Variants in DNAJC1 observed in about 807,000 individuals in gnomAD.
The protein encoded by DNAJC1 is DnaJ heat shock protein family (Hsp40) member C1, also known as dnaJ homolog subfamily C member 1.
Under a neutral mutation model 76.6 loss-of-function variants are expected in DNAJC1, and 58 were observed. The ratio of observed to expected loss-of-function variants is 0.76; its 90% CI spans 0.61 to 0.94. DNAJC1 has a LOEUF of 0.94. Among genes scored for constraint, DNAJC1 ranks in the 40% least tolerant of loss-of-function variants. The pLI is 0.00. For synonymous variants in DNAJC1, 258 were observed against 267.9 expected, an observed-to-expected ratio of 0.96 and a Z score of 0.36; for missense variants, 689 against 677.3, an observed-to-expected ratio of 1.02 and a Z score of -0.19.
intron 9 of DNAJC1, among the ~76,000 whole-genome samples, chr10:21,793,058 C>A (rs1391199575): frequency 6.6e-6 from 1 of 152,080 alleles, no homozygotes; most frequent in Non-Finnish European, 1.5e-5. Flanking sequence ...ATAATCCCAG[C>A]ATTTTGGGAG....
intron 6 of DNAJC1, among the ~76,000 whole-genome samples, chr10:21,908,749 C>G (rs1047869920): frequency 1.3e-5 from 2 of 152,018 alleles, no homozygotes; most frequent in African/African-American, 2.4e-5. Flanking sequence ...CCTCATAATA[C>G]TGTATTAAAA....
intron 1 of DNAJC1, among the ~76,000 whole-genome samples, chr10:21,975,630 A>C (rs1838049147): frequency 6.6e-6 from 1 of 152,172 alleles, no homozygotes; most frequent in African/African-American, 2.4e-5. Context: ...TTAGTGTTTC[A>C]TACTAGCTAT....
intron 8 of DNAJC1, among the ~76,000 whole-genome samples, chr10:21,829,604 G>C (rs1416123061): frequency 6.6e-6 from 1 of 152,096 alleles, no homozygotes; most frequent in Non-Finnish European, 1.5e-5. Flanking sequence ...CACCTGCCTC[G>C]GCCTCCCCAA....
chr10:21,768,146 A>T (rs967113551), intron 9 of DNAJC1, among the ~76,000 whole-genome samples: 1 of 152,216 alleles, frequency 6.6e-6, no homozygotes, highest in Non-Finnish European at 1.5e-5. Flanking sequence ...TTTTTTTCAA[A>T]TGAATAGTTA....
chr10:21,921,524 AT>A (rs1837042698), intron 3 of DNAJC1, among the ~76,000 whole-genome samples: 1 of 151,956 alleles, frequency 6.6e-6, no homozygotes, highest in Non-Finnish European at 1.5e-5. Context: ...GTGTCTTTTA[AT>A]TTTGTATTGC....
chr10:21,780,021 G>C (rs1408152495), intron 9 of DNAJC1, among the ~76,000 whole-genome samples: 1 of 152,132 alleles, frequency 6.6e-6, no homozygotes, highest in East Asian at 1.9e-4. Context: ...TGAACGAAAT[G>C]AAGTGAGAAG....
intron 7 of DNAJC1, among the ~76,000 whole-genome samples, chr10:21,889,395 G>A (rs1223107145): frequency 6.6e-6 from 1 of 151,924 alleles, no homozygotes; most frequent in Non-Finnish European, 1.5e-5. Context: ...ATTTGGGTGG[G>A]AGCACAGATC....
intron 8 of DNAJC1, among the ~76,000 whole-genome samples, chr10:21,808,197 CA>C (rs1168488884): frequency 4.6e-5 from 7 of 151,956 alleles, no homozygotes; most frequent in African/African-American, 1.7e-4. Flanking sequence ...ATTTTTGGAG[CA>C]AAAAAATTGT....
At chr10:21,916,475 C>A (rs1349349948) in intron 6 of DNAJC1, among the ~76,000 whole-genome samples, 1 of 152,004 alleles carries the variant, frequency 6.6e-6, no homozygotes, top group Non-Finnish European at 1.5e-5. Context: ...GGCGACAGAG[C>A]AAGACTCCGT....
chr10:21,966,903 T>C (rs890767451), intron 1 of DNAJC1, among the ~76,000 whole-genome samples: 1 of 151,968 alleles, frequency 6.6e-6, no homozygotes, highest in Non-Finnish European at 1.5e-5. Flanking sequence ...CCCAGGCTGG[T>C]CTCGAACTCC....
At chr10:21,805,002 A>C (rs1834867204) in intron 9 of DNAJC1, among the ~76,000 whole-genome samples, 1 of 152,106 alleles carries the variant, frequency 6.6e-6, no homozygotes, top group Non-Finnish European at 1.5e-5. Context: ...TAAACTAAAA[A>C]GTGGAAGTTT....
intron 1 of DNAJC1, among the ~76,000 whole-genome samples, chr10:21,981,783 T>C (rs1314158111): frequency 6.6e-6 from 1 of 152,158 alleles, no homozygotes; most frequent in Non-Finnish European, 1.5e-5. Context: ...TTGACTAAAC[T>C]CTAGTCAGGC....
chr10:21,875,986 A>G (rs558628886), intron 8 of DNAJC1, among the ~76,000 whole-genome samples: 1 of 152,284 alleles, frequency 6.6e-6, no homozygotes, highest in South Asian at 2.1e-4. Context: ...TCTATATACT[A>G]AATATAATTA....
chr10:21,978,402 T>A (rs1427785022), intron 1 of DNAJC1, among the ~76,000 whole-genome samples: 1 of 152,118 alleles, frequency 6.6e-6, no homozygotes, highest in Non-Finnish European at 1.5e-5. Context: ...GGAAAGTCGA[T>A]TAGCAAGTGA....
At chr10:21,829,145 C>A (rs1835312675) in intron 8 of DNAJC1, among the ~76,000 whole-genome samples, 1 of 151,866 alleles carries the variant, frequency 6.6e-6, no homozygotes. Context: ...ATTCTCCTGC[C>A]ACAGCCTCCC....
At chr10:21,834,903 G>A (rs569535988) in intron 8 of DNAJC1, among the ~76,000 whole-genome samples, 1 of 152,216 alleles carries the variant, frequency 6.6e-6, no homozygotes, top group African/African-American at 2.4e-5. Context: ...TCTGGGGACA[G>A]GGCATAGACA....
intron 9 of DNAJC1, among the ~76,000 whole-genome samples, chr10:21,778,915 AC>A (rs1834488612): frequency 6.6e-6 from 1 of 152,220 alleles, no homozygotes; most frequent in African/African-American, 2.4e-5. Context: ...CGCTTTTCCA[AC>A]CGTCTTAGCA....
chr10:21,871,855 G>C (rs1373971171), intron 8 of DNAJC1, among the ~76,000 whole-genome samples: 1 of 151,548 alleles, frequency 6.6e-6, no homozygotes, highest in African/African-American at 2.4e-5. Context: ...GGCTGGTCTG[G>C]AGCTCCTGGC....
At chr10:21,871,278 A>G (rs979575915) in intron 8 of DNAJC1, among the ~76,000 whole-genome samples, 2 of 151,868 alleles carry the variant, frequency 1.3e-5, no homozygotes, top group Non-Finnish European at 1.5e-5. Flanking sequence ...CATACTCAGG[A>G]AAGTTCTGAG....
Sources: allele counts gnomAD v4.1 joint callset (sites outside exome capture counted in the v4.1 genomes callset), GRCh38; gene constraint gnomAD v4.1.1; transcripts MANE v1.5; gene names NCBI Gene and HGNC (gene_info 2026-07-23, HGNC 2026-07-21).